Variants in DPP6 observed in about 807,000 individuals in gnomAD.
DPP6 encodes A-type potassium channel modulatory protein DPP6.
DPP6 carries 69 observed loss-of-function variants against 122.6 expected under a neutral mutation model. The observed-to-expected ratio is 0.56, with a 90% confidence interval of 0.46 to 0.69. The LOEUF (loss-of-function observed/expected upper bound fraction) is 0.69. Ranked by LOEUF, DPP6 falls within the 30% of genes least tolerant of loss-of-function variation. DPP6 has a pLI of 0.00. For synonymous variants in DPP6, 418 were observed against 433.1 expected, an observed-to-expected ratio of 0.97 and a Z score of 0.43; for missense variants, 928 against 1,116.9, an observed-to-expected ratio of 0.83 and a Z score of 2.41.
At chr7:153,781,180 G>T in the DPP6 span, among the ~76,000 whole-genome samples, 1 of 152,206 alleles carries the variant, frequency 6.6e-6, no homozygotes, top group Non-Finnish European at 1.5e-5. Context: ...GCATAAAGAT[G>T]ACTTCTGGGC....
At chr7:153,956,949 T>TA (rs1475245825) in intron 1 of DPP6, among the ~76,000 whole-genome samples, 4 of 152,182 alleles carry the variant, frequency 2.6e-5, no homozygotes, top group African/African-American at 9.6e-5. Context: ...TTTTAGAGTG[T>TA]TAAAAAAAAT....
intron 8 of DPP6, among the ~76,000 whole-genome samples, chr7:154,765,720 C>A (rs1183147764): frequency 1.3e-5 from 2 of 152,168 alleles, no homozygotes; most frequent in African/African-American, 2.4e-5. Flanking sequence ...ATGTATCTTT[C>A]TTTTCTGATG....
chr7:154,293,281 G>A (rs569321923), intron 1 of DPP6, among the ~76,000 whole-genome samples: 1 of 152,320 alleles, frequency 6.6e-6, no homozygotes, highest in East Asian at 1.9e-4. Flanking sequence ...CATGTAAGAA[G>A]CCTTCACTTT....
chr7:154,845,381 G>A (rs1279786648), intron 16 of DPP6, among the ~76,000 whole-genome samples: 1 of 152,148 alleles, frequency 6.6e-6, no homozygotes, highest in Admixed American at 6.5e-5. Context: ...AAAGCACACG[G>A]GAGAAATACC....
chr7:154,615,283 G>A (rs1299708792), intron 5 of DPP6, among the ~76,000 whole-genome samples: 1 of 152,094 alleles, frequency 6.6e-6, no homozygotes, highest in Non-Finnish European at 1.5e-5. Flanking sequence ...TGTATTCTGT[G>A]AAAAGCCAAT....
intron 1 of DPP6, among the ~76,000 whole-genome samples, chr7:154,395,553 T>C (rs975158977): frequency 3.3e-5 from 5 of 152,206 alleles, no homozygotes; most frequent in Admixed American, 2.0e-4. Flanking sequence ...CTTTTCAGAT[T>C]GTTCATTGTT....
At chr7:154,569,856 A>C (rs958283432) in intron 5 of DPP6, among the ~76,000 whole-genome samples, 1 of 151,918 alleles carries the variant, frequency 6.6e-6, no homozygotes, top group African/African-American at 2.4e-5. Context: ...CATAGGTTCA[A>C]GGGCTCATTC....
chr7:154,751,621 A>T (rs1373345763), intron 8 of DPP6, among the ~76,000 whole-genome samples: 3 of 151,918 alleles, frequency 2.0e-5, no homozygotes, highest in Non-Finnish European at 2.9e-5. Flanking sequence ...AAAAAAAAAA[A>T]AAAAAAGAAA....
intron 12 of DPP6, among the ~76,000 whole-genome samples, chr7:154,799,361 A>C (rs527408832): frequency 4.2e-4 from 64 of 152,290 alleles, no homozygotes; most frequent in African/African-American, 1.3e-3. Context: ...ATTCCAGAGA[A>C]GCAGGCAATC....
chr7:154,166,202 T>G (rs1473228026), intron 1 of DPP6, among the ~76,000 whole-genome samples: 1 of 151,986 alleles, frequency 6.6e-6, no homozygotes, highest in African/African-American at 2.4e-5. Flanking sequence ...CAATCAGAGG[T>G]GCTCCATGAA....
chr7:154,345,570 C>T (rs545834729), intron 1 of DPP6, among the ~76,000 whole-genome samples: 3 of 152,174 alleles, frequency 2.0e-5, no homozygotes, highest in South Asian at 2.1e-4. Flanking sequence ...GTGGATTTCC[C>T]AAGGTGGAAA....
intron 1 of DPP6, among the ~76,000 whole-genome samples, chr7:154,145,572 A>C (rs1354914590): frequency 2.0e-5 from 3 of 148,486 alleles, no homozygotes; most frequent in Non-Finnish European, 3.0e-5. Flanking sequence ...GTCACATTGA[A>C]ATGGAGAGTG....
chr7:154,527,285 T>C (rs1251158664), intron 3 of DPP6, among the ~76,000 whole-genome samples: 2 of 152,230 alleles, frequency 1.3e-5, no homozygotes, highest in Non-Finnish European at 2.9e-5. Context: ...CTGAGTCATT[T>C]TGACATGGTC....
intron 1 of DPP6, among the ~76,000 whole-genome samples, chr7:154,182,104 G>C (rs966675615): frequency 2.0e-5 from 3 of 152,122 alleles, no homozygotes; most frequent in African/African-American, 7.2e-5. Flanking sequence ...CTGGCAGTCT[G>C]GGCTGTGGAT....
At position 154,425,621 on chromosome 7, in the gene DPP6, GGTGTGTGT is replaced by G. The variant is rs3056535; in HGVS notation, c.244-20566_244-20559del. Among the ~76,000 whole-genome samples the G allele has an allele frequency of 1.2e-3, 142 of 121,514 alleles. No homozygotes were observed. The East Asian group carries it at 0.035, about 30-fold the overall frequency. The allele number at this position is 121,514 out of a possible 152,430, so 79.7% of individuals were successfully genotyped here. On this transcript the variant is annotated intron_variant, in intron 1 of 25. Coordinates refer to ENST00000377770, the MANE Select transcript of DPP6 (RefSeq NM_130797.4). ...GGAAAAAAATGTGTGTGTGTGTGTG[GGTGTGTGT>G]GTGTGTGTGTGTGTGTGTGTGTGTG... is the stretch of plus-strand genomic sequence containing the variant.
intron 5 of DPP6, among the ~76,000 whole-genome samples, chr7:154,599,006 C>T (rs1833264965): frequency 6.6e-6 from 1 of 152,052 alleles, no homozygotes; most frequent in Non-Finnish European, 1.5e-5. Context: ...TGGGAGAGAC[C>T]CTGCAGCAGT....
chr7:154,236,531 T>C (rs1388037977), intron 1 of DPP6, among the ~76,000 whole-genome samples: 1 of 152,192 alleles, frequency 6.6e-6, no homozygotes, highest in East Asian at 1.9e-4. Context: ...AAAGATTCTC[T>C]TCATTCTTTT....
At chr7:154,744,725 T>C (rs2131426598) in intron 8 of DPP6, among the ~76,000 whole-genome samples, 1 of 152,344 alleles carries the variant, frequency 6.6e-6, no homozygotes, top group Non-Finnish European at 1.5e-5. Context: ...TAAGATTTTC[T>C]GTATTTAGAA....
chr7:154,645,036 C>G (rs61259868), intron 6 of DPP6, among the ~76,000 whole-genome samples: 20,638 of 142,728 alleles, frequency 0.14, 1,611 homozygotes, highest in African/African-American at 0.23. Context: ...CTGTTACTTG[C>G]TTTTTTTGTT....
Sources: allele counts gnomAD v4.1 joint callset (sites outside exome capture counted in the v4.1 genomes callset), GRCh38; gene constraint gnomAD v4.1.1; transcripts MANE v1.5; gene names NCBI Gene and HGNC (gene_info 2026-07-23, HGNC 2026-07-21).